The following CNTNAP5 variants were observed in gnomAD, a reference collection of about 807,000 sequenced individuals.
The protein encoded by CNTNAP5 is contactin associated protein family member 5.
Under a neutral mutation model 150.2 loss-of-function variants are expected in CNTNAP5, and 72 were observed. The observed-to-expected ratio is 0.48, with a 90% CI of 0.40 to 0.58. CNTNAP5 has a LOEUF of 0.58. CNTNAP5 is among the 20% of genes least tolerant of loss of function. The pLI is 0.00. For missense variants in CNTNAP5, 1,636 were observed against 1,626.2 expected, an observed-to-expected ratio of 1.01 and a Z score of -0.10; for synonymous variants, 672 against 619.8, an observed-to-expected ratio of 1.08 and a Z score of -1.25.
At chr2:124,447,976 A>ACCT (rs1553469110) in intron 6 of CNTNAP5, among the ~76,000 whole-genome samples, 1 of 152,124 alleles carries the variant, frequency 6.6e-6, no homozygotes, top group Non-Finnish European at 1.5e-5. Flanking sequence ...GGCATTATTA[A>ACCT]AAATTAAGTT....
chr2:124,654,573 G>C (rs1000398659), intron 13 of CNTNAP5, among the ~76,000 whole-genome samples: 1 of 152,080 alleles, frequency 6.6e-6, no homozygotes, highest in Non-Finnish European at 1.5e-5. Context: ...AATTAACTGA[G>C]CTGCGATTGC....
At chr2:124,095,565 T>G (rs1682916201) in intron 1 of CNTNAP5, among the ~76,000 whole-genome samples, 1 of 152,152 alleles carries the variant, frequency 6.6e-6, no homozygotes, top group Admixed American at 6.5e-5. Context: ...CCCTTTCCTG[T>G]GAGCTCCTTG....
chr2:124,269,038 A>C (rs1439091244), intron 3 of CNTNAP5, among the ~76,000 whole-genome samples: 1 of 152,098 alleles, frequency 6.6e-6, no homozygotes, highest in East Asian at 1.9e-4. Context: ...CCTTTAAAGC[A>C]GGAAGCCCAG....
At position 124,851,874 on chromosome 2, in the gene CNTNAP5, C is replaced by G. The variant is rs142912290; in HGVS notation, c.3218-13432C>G. Among the ~76,000 whole-genome samples the G allele has an allele frequency of 1.2e-4, 19 of 152,232 alleles. No homozygotes were observed. The East Asian group carries it at 3.7e-3, about 30-fold the overall frequency. On this transcript the variant is annotated intron_variant, in intron 19 of 23. Coordinates refer to ENST00000682447, the MANE Select transcript of CNTNAP5 (RefSeq NM_001367498.1). ...TTGTGTTTTCTTCCACCAGATAAAC[C>G]ATTCAAAAGTAGGGTAAGCAGGCAT...
intron 1 of CNTNAP5, among the ~76,000 whole-genome samples, chr2:124,098,450 G>A (rs1349726342): frequency 6.6e-6 from 1 of 152,160 alleles, no homozygotes; most frequent in African/African-American, 2.4e-5. Flanking sequence ...CACAGTGCGG[G>A]TGGAAGGATC....
chr2:124,804,609 C>T (rs887385935), intron 19 of CNTNAP5, among the ~76,000 whole-genome samples: 1 of 152,100 alleles, frequency 6.6e-6, no homozygotes, highest in African/African-American at 2.4e-5. Context: ...AACTCTGTCT[C>T]CTGCTCTCTC....
At chr2:124,777,148 A>G (rs1408556360) in intron 17 of CNTNAP5, among the ~76,000 whole-genome samples, 12 of 121,890 alleles carry the variant, frequency 9.8e-5, no homozygotes, top group African/African-American at 2.9e-4. Context: ...TTAGTGGGGA[A>G]AAAAAAAAAA....
chr2:124,510,287 A>ATATATATATATATC (rs1694535276), intron 8 of CNTNAP5, among the ~76,000 whole-genome samples: 3 of 20,058 alleles, frequency 1.5e-4, no homozygotes, highest in African/African-American at 4.9e-4. Context: ...ATCTATATCT[A>ATATATATATATATC]TATATCTATA....
chr2:124,763,578 T>C, intron 14 of CNTNAP5, 94 bp from the exon 15 acceptor site: 2 of 1,255,272 alleles, frequency 1.6e-6, no homozygotes, highest in South Asian at 2.8e-5. Flanking sequence ...CTGCTGCAAC[T>C]GGCCAAATCA....
At chr2:124,292,715 G>A (rs1005079095) in intron 3 of CNTNAP5, among the ~76,000 whole-genome samples, 2 of 152,006 alleles carry the variant, frequency 1.3e-5, no homozygotes, top group African/African-American at 4.8e-5. Flanking sequence ...ATATTTGACT[G>A]AAATATGTTA....
At chr2:124,426,037 C>T (rs957367299) in intron 4 of CNTNAP5, among the ~76,000 whole-genome samples, 1 of 151,920 alleles carries the variant, frequency 6.6e-6, no homozygotes, top group African/African-American at 2.4e-5. Context: ...TCTGAAATAT[C>T]TAAAAACAAA....
At chr2:124,719,079 G>C (rs974520922) in intron 13 of CNTNAP5, among the ~76,000 whole-genome samples, 6 of 152,238 alleles carry the variant, frequency 3.9e-5, no homozygotes, top group African/African-American at 1.2e-4. Context: ...GCAGTGCCTT[G>C]TCATGGATCA....
At chr2:124,255,524 A>AAAAATAAAATAAAATAAAAT (rs202068928) in intron 3 of CNTNAP5, among the ~76,000 whole-genome samples, 14 of 132,124 alleles carry the variant, frequency 1.1e-4, no homozygotes, top group African/African-American at 4.0e-4. Context: ...ACTCTGTCTC[A>AAAAATAAAATAAAATAAAAT]AAAATAAAAT....
chr2:124,603,701 T>C (rs1241888084), intron 11 of CNTNAP5, among the ~76,000 whole-genome samples: 12 of 152,190 alleles, frequency 7.9e-5, no homozygotes, highest in Non-Finnish European at 1.6e-4. Flanking sequence ...CTTCATTCTC[T>C]ATTAAACTTC....
chr2:124,590,516 C>T (rs1351590178), intron 11 of CNTNAP5, among the ~76,000 whole-genome samples: 1 of 152,124 alleles, frequency 6.6e-6, no homozygotes, highest in Non-Finnish European at 1.5e-5. Flanking sequence ...TGAAATAAGG[C>T]CAAGGCAAAG....
chr2:124,580,968 G>C (rs1392869971), intron 11 of CNTNAP5, among the ~76,000 whole-genome samples: 1 of 152,132 alleles, frequency 6.6e-6, no homozygotes, highest in South Asian at 2.1e-4. Flanking sequence ...TGGAGCACAG[G>C]GGGAACGGGA....
At chr2:124,224,131 G>C (rs115582492) in intron 2 of CNTNAP5, among the ~76,000 whole-genome samples, 2,304 of 152,118 alleles carry the variant, frequency 0.015, 71 homozygotes, top group African/African-American at 0.053. Flanking sequence ...ACCCAAGCAA[G>C]GATATTGATA....
intron 13 of CNTNAP5, among the ~76,000 whole-genome samples, chr2:124,693,461 A>G (rs975487053): frequency 6.6e-6 from 1 of 152,156 alleles, no homozygotes. Flanking sequence ...CCTCTTTAGT[A>G]TGAGGATTCA....
chr2:124,870,344 G>A (rs968299427), intron 21 of CNTNAP5, among the ~76,000 whole-genome samples: 3 of 151,652 alleles, frequency 2.0e-5, no homozygotes, highest in African/African-American at 7.3e-5. Context: ...TTATTAATAT[G>A]CCTATTACAA....
Sources: allele counts gnomAD v4.1 joint callset (sites outside exome capture counted in the v4.1 genomes callset), GRCh38; gene constraint gnomAD v4.1.1; transcripts MANE v1.5; gene names NCBI Gene and HGNC (gene_info 2026-07-23, HGNC 2026-07-21).